SPATA17: variants seen among roughly 807,000 people sequenced by gnomAD.
The protein encoded by SPATA17 is spermatogenesis associated 17, also known as spermatogenesis-associated protein 17.
Under a neutral mutation model 62.2 loss-of-function variants are expected in SPATA17, and 53 were observed. The ratio of observed to expected loss-of-function variants is 0.85; its 90% CI spans 0.68 to 1.07. SPATA17 has a LOEUF of 1.07. SPATA17 is among the 50% of genes least tolerant of loss of function. SPATA17 has a pLI of 0.00. For synonymous variants in SPATA17, 146 were observed against 146.8 expected (o/e 0.99, Z 0.04); for missense variants, 466 against 425.5 (o/e 1.10, Z -0.84).
chr1:217,862,145 A>G (rs1470053416), intron 9 of SPATA17, among the ~76,000 whole-genome samples: 1 of 151,774 alleles, frequency 6.6e-6, no homozygotes, highest in Non-Finnish European at 1.5e-5. Flanking sequence ...ACACCTTTAT[A>G]TAGTCTGGTC....
chr1:217,634,156 T>C (rs1192699265), intron 1 of SPATA17, among the ~76,000 whole-genome samples: 3 of 152,222 alleles, frequency 2.0e-5, no homozygotes, highest in Non-Finnish European at 4.4e-5. Flanking sequence ...TAGGCAGTTG[T>C]TGTAACTTCC....
At chr1:217,701,382 A>T (rs1198463499) in intron 5 of SPATA17, among the ~76,000 whole-genome samples, 1 of 146,950 alleles carries the variant, frequency 6.8e-6, no homozygotes, top group Admixed American at 6.8e-5. Flanking sequence ...TTTTTGTTTT[A>T]TTTATTTATT....
At chr1:217,855,706 A>G (rs1675765600) in intron 9 of SPATA17, among the ~76,000 whole-genome samples, 1 of 150,898 alleles carries the variant, frequency 6.6e-6, no homozygotes, top group South Asian at 2.1e-4. Context: ...TGAGAACTAA[A>G]TAAGAGAAAG....
At chr1:217,647,265 T>C (rs1369813902) in intron 1 of SPATA17, among the ~76,000 whole-genome samples, 1 of 152,208 alleles carries the variant, frequency 6.6e-6, no homozygotes, top group East Asian at 1.9e-4. Flanking sequence ...GAGGCACTCA[T>C]GGGCTCTCAG....
In SPATA17 at chr1:217,737,233, C is replaced by T. The variant is rs555963333; in HGVS notation, c.396-4742C>T. Among the ~76,000 whole-genome samples, 5 of 152,218 alleles carry T rather than the reference C, an allele frequency of 3.3e-5. No homozygotes were observed. In the East Asian group the frequency reaches 9.7e-4, roughly 29 times the overall value. ...TGTTAACTGAGTGTAATAATATCTG[C>T]CCCACAGGACTATGAAAGTATTAAA... On this transcript the variant is annotated intron_variant, in intron 5 of 10. Coordinates refer to ENST00000366933, the MANE Select transcript of SPATA17 (RefSeq NM_138796.4).
intron 5 of SPATA17, among the ~76,000 whole-genome samples, chr1:217,719,357 T>C (rs1313004500): frequency 1.3e-5 from 2 of 152,258 alleles, no homozygotes; most frequent in Non-Finnish European, 2.9e-5. Flanking sequence ...TCTTATTCCA[T>C]TCCTTCTCTA....
intron 5 of SPATA17, among the ~76,000 whole-genome samples, chr1:217,723,256 T>C (rs547270814): frequency 1.3e-5 from 2 of 152,286 alleles, no homozygotes; most frequent in East Asian, 3.9e-4. Flanking sequence ...AGTAAAAGGA[T>C]TGGGATCACT....
intron 5 of SPATA17, among the ~76,000 whole-genome samples, chr1:217,712,788 T>C (rs1671908653): frequency 6.6e-6 from 1 of 152,080 alleles, no homozygotes. Context: ...CTCAGGTGGC[T>C]CAAATAGAGT....
At chr1:217,834,809 C>A (rs546059342) in intron 9 of SPATA17, among the ~76,000 whole-genome samples, 1 of 152,122 alleles carries the variant, frequency 6.6e-6, no homozygotes, top group Non-Finnish European at 1.5e-5. Context: ...TCTACGTTAA[C>A]GTCCTAGGCC....
chr1:217,756,299 A>G (rs1321957052), intron 6 of SPATA17, among the ~76,000 whole-genome samples: 1 of 146,258 alleles, frequency 6.8e-6, no homozygotes, highest in East Asian at 1.9e-4. Context: ...TTATGTCTAT[A>G]TTTGCCCAAA....
At chr1:217,827,704 A>G (rs1386360932) in intron 9 of SPATA17, among the ~76,000 whole-genome samples, 1 of 152,166 alleles carries the variant, frequency 6.6e-6, no homozygotes, top group Admixed American at 6.5e-5. Flanking sequence ...ATGCAGCCAT[A>G]AAAAGGAATG....
Position 217,782,255 on chromosome 1 carries a change from G to A in SPATA17, c.805G>A (p.Asp269Asn), listed in dbSNP as rs776077057. The change falls in exon 8 of 11, where the codon GAT becomes AAT. Residue 269 changes from aspartate (D) to asparagine (N), a missense_variant. Coordinates refer to ENST00000366933, the MANE Select transcript of SPATA17 (RefSeq NM_138796.4). ...AACGTTGCGGGTGGCAGAACCAATC[G>A]ATGAGTTAAAGTTGGCCAGAGAGGA... ...EPTLRVAEPIDELKLAREELR... is the reference protein window; with the variant it reads ...EPTLRVAEPINELKLAREELR... 34 of 1,612,852 alleles carry A rather than the reference G, an allele frequency of 2.1e-5. No homozygotes were observed. Among genetic ancestry groups the A allele is most frequent in the South Asian group, 5.5e-5 (5 of 90,998 alleles).
At chr1:217,745,536 C>A (rs1341367186) in intron 6 of SPATA17, among the ~76,000 whole-genome samples, 2 of 152,084 alleles carry the variant, frequency 1.3e-5, no homozygotes, top group Non-Finnish European at 2.9e-5. Context: ...AATTTTAAAA[C>A]ATGCTACAAG....
At chr1:217,751,666 T>C (rs2102956133) in intron 6 of SPATA17, among the ~76,000 whole-genome samples, 1 of 152,294 alleles carries the variant, frequency 6.6e-6, no homozygotes, top group South Asian at 2.1e-4. Flanking sequence ...AGAGACAGAG[T>C]GAAGTGGTTT....
intron 3 of SPATA17, among the ~76,000 whole-genome samples, chr1:217,654,477 A>G (rs1670393045): frequency 2.0e-5 from 3 of 152,110 alleles, no homozygotes; most frequent in Admixed American, 2.0e-4. Context: ...AGGCCACTTT[A>G]AAAAAAGTTT....
At chr1:217,841,877 A>G (rs540633848) in intron 9 of SPATA17, among the ~76,000 whole-genome samples, 74 of 151,244 alleles carry the variant, frequency 4.9e-4, no homozygotes, top group African/African-American at 1.7e-3. Context: ...ATATAACCAT[A>G]TAATATGTAT....
chr1:217,670,622 G>A (rs1018888525), intron 4 of SPATA17, among the ~76,000 whole-genome samples: 2 of 152,106 alleles, frequency 1.3e-5, no homozygotes, highest in African/African-American at 4.8e-5. Context: ...TTTTACCTGA[G>A]TCTTGTGATC....
rs1179690498 is a variant in SPATA17, at chr1:217,848,877, A to T, written c.1006-13897A>T. 4.6e-5 allele frequency among the ~76,000 whole-genome samples: 7 copies of T among 151,588 alleles called. 1 individual carries two copies. The South Asian group carries it at 1.5e-3, about 31-fold the overall frequency. Reference sequence around the variant, plus strand: ...TTTGAATTTTATATTCCTTATTTCCATTTTATTGTCCTTTTGTTTTACTTT... The same window carrying T: ...TTTGAATTTTATATTCCTTATTTCCTTTTTATTGTCCTTTTGTTTTACTTT... On this transcript the variant is annotated intron_variant, in intron 9 of 10. Coordinates refer to ENST00000366933, the MANE Select transcript of SPATA17 (RefSeq NM_138796.4).
intron 4 of SPATA17, 52 bp from the exon 5 acceptor site, chr1:217,683,194 GTGCTATTACATT>G: frequency 9.0e-7 from 1 of 1,114,762 alleles, no homozygotes; most frequent in Non-Finnish European, 1.3e-6. Context: ...TAATTTTGAA[GTGCTATTACATT>G]TTTAATAAAA....
Sources: gnomAD v4.1 joint callset for allele counts (sites outside exome capture counted in the v4.1 genomes callset) on GRCh38, gnomAD v4.1.1 for gene constraint, MANE v1.5 for transcripts, NCBI Gene and HGNC (gene_info 2026-07-23, HGNC 2026-07-21) for gene names.